The following SAMMSON variants were observed in gnomAD, a reference collection of about 807,000 sequenced individuals.
SAMMSON encodes long intergenic non-protein coding RNA 1212.
At chr3:70,333,792 T>A (rs182381924) in intron 7 of SAMMSON, among the ~76,000 whole-genome samples, 51 of 152,326 alleles carry the variant, frequency 3.3e-4, no homozygotes, top group African/African-American at 1.2e-3. Context: ...TCGGTTTCCA[T>A]AGTAATGGTC....
intron 4 of SAMMSON, among the ~76,000 whole-genome samples, chr3:70,161,881 C>CA (rs1421761467): frequency 8.0e-6 from 1 of 125,626 alleles, no homozygotes; most frequent in African/African-American, 2.9e-5. Context: ...TTGAGTAATT[C>CA]ATTTTTTTAA....
At chr3:70,414,489 G>A (rs1701246656) in intron 2 of SAMMSON, among the ~76,000 whole-genome samples, 1 of 152,112 alleles carries the variant, frequency 6.6e-6, no homozygotes, top group African/African-American at 2.4e-5. Context: ...CACTTAGTAA[G>A]ACTGTCACTT....
chr3:70,279,320 A>G (rs913045452), intron 6 of SAMMSON, among the ~76,000 whole-genome samples: 2 of 152,098 alleles, frequency 1.3e-5, no homozygotes, highest in African/African-American at 4.8e-5. Flanking sequence ...ACACATATGG[A>G]GTGGGTGATA....
chr3:70,368,525 A>G (rs1023523889), intron 9 of SAMMSON, among the ~76,000 whole-genome samples: 1 of 151,676 alleles, frequency 6.6e-6, no homozygotes, highest in African/African-American at 2.4e-5. Context: ...ATTTAGATGT[A>G]TGGTAAATTT....
chr3:70,246,634 G>A (rs1305314535), intron 4 of SAMMSON, among the ~76,000 whole-genome samples: 1 of 151,952 alleles, frequency 6.6e-6, no homozygotes, highest in Admixed American at 6.6e-5. Context: ...CGTATTTAAG[G>A]GGTTGTTGAC....
chr3:70,081,136 C>T (rs1486518248), intron 4 of SAMMSON, among the ~76,000 whole-genome samples: 2 of 152,128 alleles, frequency 1.3e-5, no homozygotes, highest in Non-Finnish European at 2.9e-5. Context: ...GTTTTTAAGA[C>T]GGAGTCTCAC....
intron 4 of SAMMSON, among the ~76,000 whole-genome samples, chr3:70,208,669 A>C (rs986810916): frequency 6.6e-6 from 1 of 152,044 alleles, no homozygotes; most frequent in African/African-American, 2.4e-5. Context: ...AAAAAGAGAG[A>C]GAACAGCCCA....
At position 70,388,978 on chromosome 3, in the gene SAMMSON, C is replaced by A. The variant is rs574909374; in HGVS notation, n.914-596C>A. Among the ~76,000 whole-genome samples, 6 of 152,100 alleles carry A rather than the reference C, an allele frequency of 3.9e-5. No homozygotes were observed. In the East Asian group the frequency reaches 1.2e-3, roughly 29 times the overall value. ...TGCCATCCCTTGGGGTGAGGGAGTT[C>A]TCACTCTCAAGGGAGTGAATTAGTT... On this transcript the variant is annotated intron_variant and non_coding_transcript_variant, in intron 9 of 9. Transcript: ENST00000642114.
chr3:70,008,855 T>C (rs1415195848), intron 1 of SAMMSON, among the ~76,000 whole-genome samples: 3 of 152,236 alleles, frequency 2.0e-5, no homozygotes, highest in African/African-American at 4.8e-5. Flanking sequence ...TGAAGCGTTG[T>C]TGAATTTTGT....
intron 2 of SAMMSON, among the ~76,000 whole-genome samples, chr3:70,416,231 T>C (rs2106771391): frequency 6.6e-6 from 1 of 152,338 alleles, no homozygotes; most frequent in South Asian, 2.1e-4. Context: ...TATTGAATTT[T>C]CTTTCTAATT....
At chr3:70,053,571 A>T (rs745335251) in intron 3 of SAMMSON, among the ~76,000 whole-genome samples, 18 of 152,272 alleles carry the variant, frequency 1.2e-4, no homozygotes, top group Non-Finnish European at 2.2e-4. Context: ...AAGGAGACTG[A>T]CACGTGCTAA....
Position 70,073,922 on chromosome 3 carries a change from A to T in SAMMSON, n.507+2357A>T, listed in dbSNP as rs185283286. 1.1e-3 allele frequency among the ~76,000 whole-genome samples: 171 copies of T among 152,178 alleles called. 1 individual carries two copies. The highest frequency in any genetic ancestry group is 3.8e-3 in the African/African-American group (159 of 41,546). ...TAGAAATATGTACTTTTAGGAATTT[A>T]TAGGAATTTTAGATGTGACCTTGTA... is the stretch of plus-strand genomic sequence containing the variant. On this transcript the variant is annotated intron_variant and non_coding_transcript_variant, in intron 4 of 9. Coordinates refer to ENST00000642114, the Ensembl canonical transcript of SAMMSON.
At chr3:70,215,396 T>C (rs1701399189) in intron 4 of SAMMSON, among the ~76,000 whole-genome samples, 1 of 152,154 alleles carries the variant, frequency 6.6e-6, no homozygotes, top group South Asian at 2.1e-4. Flanking sequence ...AAAACTGCTT[T>C]GTCCCTTCTG....
chr3:70,049,876 T>C (rs1010450221), intron 3 of SAMMSON, among the ~76,000 whole-genome samples: 11 of 152,098 alleles, frequency 7.2e-5, no homozygotes, highest in Admixed American at 6.6e-4. Flanking sequence ...AGAGCACAGT[T>C]TGTTTTTACC....
intron 4 of SAMMSON, among the ~76,000 whole-genome samples, chr3:70,073,979 A>G (rs896513813): frequency 2.0e-5 from 3 of 152,042 alleles, no homozygotes; most frequent in Non-Finnish European, 4.4e-5. Flanking sequence ...TCTAGCAGGT[A>G]GTGATCATGC....
intron 3 of SAMMSON, among the ~76,000 whole-genome samples, chr3:70,066,136 A>T (rs1393962719): frequency 6.6e-6 from 1 of 152,158 alleles, no homozygotes; most frequent in African/African-American, 2.4e-5. Flanking sequence ...CAAGTTAGGC[A>T]AGAAAATCTA....
chr3:70,046,951 T>C (rs1288123035), intron 3 of SAMMSON, among the ~76,000 whole-genome samples: 1 of 152,072 alleles, frequency 6.6e-6, no homozygotes, highest in Non-Finnish European at 1.5e-5. Context: ...CTCATGTGAC[T>C]AGGCTGGGCC....
At chr3:70,198,758 T>C (rs1701206000) in intron 4 of SAMMSON, among the ~76,000 whole-genome samples, 1 of 152,176 alleles carries the variant, frequency 6.6e-6, no homozygotes, top group African/African-American at 2.4e-5. Flanking sequence ...ACAATACCTC[T>C]ACTGTGTACA....
intron 6 of SAMMSON, among the ~76,000 whole-genome samples, chr3:70,278,527 G>A (rs972994616): frequency 1.3e-5 from 2 of 152,192 alleles, no homozygotes; most frequent in Non-Finnish European, 2.9e-5. Flanking sequence ...AAGACTGTAT[G>A]AGAGTTCAGT....
Sources: gnomAD v4.1 joint callset for allele counts (sites outside exome capture counted in the v4.1 genomes callset) on GRCh38, gnomAD v4.1.1 for gene constraint, MANE v1.5 for transcripts, NCBI Gene and HGNC (gene_info 2026-07-23, HGNC 2026-07-21) for gene names.